Variants in PPFIA2 observed in about 807,000 individuals in gnomAD.
The protein encoded by PPFIA2 is liprin-alpha-2.
A neutral mutation model predicts 175.5 loss-of-function variants in PPFIA2; 46 were observed. The ratio of observed to expected loss-of-function variants is 0.26; its 90% CI spans 0.21 to 0.34. The LOEUF is 0.34. PPFIA2 is among the 10% of genes least tolerant of loss of function. The pLI, the probability that PPFIA2 is intolerant of heterozygous loss-of-function variation, is 1.00. For missense variants in PPFIA2, 1,179 were observed against 1,506.1 expected (o/e 0.78, Z 3.60); for synonymous variants, 568 against 511.4 (o/e 1.11, Z -1.49).
intron 3 of PPFIA2, among the ~76,000 whole-genome samples, chr12:81,714,697 G>T (rs1438822080): frequency 6.6e-6 from 1 of 150,914 alleles, no homozygotes; most frequent in East Asian, 2.0e-4. Context: ...GAAATAGAGG[G>T]TCTGAGTATC....
intron 4 of PPFIA2, among the ~76,000 whole-genome samples, chr12:81,576,647 C>T (rs2073607659): frequency 1.3e-5 from 2 of 151,746 alleles, no homozygotes; most frequent in Non-Finnish European, 1.5e-5. Flanking sequence ...GTAAATAAAT[C>T]TCTATCAAGG....
chr12:81,474,438 T>G (rs983514546), intron 4 of PPFIA2, among the ~76,000 whole-genome samples: 6 of 152,282 alleles, frequency 3.9e-5, no homozygotes, highest in African/African-American at 9.6e-5. Context: ...ATTACAGGCA[T>G]GCACCACCAC....
chr12:81,389,588 A>G (rs2039716630), intron 8 of PPFIA2, among the ~76,000 whole-genome samples: 1 of 152,040 alleles, frequency 6.6e-6, no homozygotes, highest in Admixed American at 6.6e-5. Flanking sequence ...CATTACCTTA[A>G]ATAGATTGTA....
intron 24 of PPFIA2, among the ~76,000 whole-genome samples, chr12:81,286,665 G>T (rs758129409): frequency 6.6e-6 from 1 of 151,924 alleles, no homozygotes; most frequent in Non-Finnish European, 1.5e-5. Flanking sequence ...ACATATATCT[G>T]CATTAAGTGA....
chr12:81,620,716 G>A (rs2061959030), intron 4 of PPFIA2, among the ~76,000 whole-genome samples: 2 of 152,172 alleles, frequency 1.3e-5, no homozygotes, highest in African/African-American at 2.4e-5. Flanking sequence ...GCTCAGCAGA[G>A]GACAGAATCT....
intron 7 of PPFIA2, among the ~76,000 whole-genome samples, chr12:81,411,823 G>A (rs575511247): frequency 4.6e-5 from 7 of 152,078 alleles, no homozygotes; most frequent in African/African-American, 1.4e-4. Flanking sequence ...ACAAACATAA[G>A]TAGAGCATAT....
chr12:81,521,296 A>C (rs1452521654), intron 4 of PPFIA2, among the ~76,000 whole-genome samples: 1 of 152,126 alleles, frequency 6.6e-6, no homozygotes, highest in Non-Finnish European at 1.5e-5. Flanking sequence ...GCCCCTCACA[A>C]ATGCAGTTTA....
Position 81,666,204 on chromosome 12 carries a change from G to A in PPFIA2, c.303+10587C>T, listed in dbSNP as rs567520359. On this transcript the variant is annotated intron_variant, in intron 4 of 32. Transcript: ENST00000549396. ...CAACCATTGTGGAATTCAGTGTGGC[G>A]ATTCCTCAAGGATCTAGAACTAGAA... Among the ~76,000 whole-genome samples, 8 of 152,244 alleles carry A rather than the reference G, an allele frequency of 5.3e-5. No homozygotes were observed. In the East Asian group the frequency reaches 9.7e-4, roughly 18 times the overall value.
chr12:81,333,819 T>C (rs1286413935), intron 21 of PPFIA2, among the ~76,000 whole-genome samples: 1 of 152,156 alleles, frequency 6.6e-6, no homozygotes, highest in Non-Finnish European at 1.5e-5. Context: ...AACATTCATA[T>C]CCAAGTGATT....
intron 22 of PPFIA2, among the ~76,000 whole-genome samples, chr12:81,318,295 C>A (rs2052869059): frequency 6.6e-6 from 1 of 151,696 alleles, no homozygotes; most frequent in South Asian, 2.1e-4. Flanking sequence ...CAGCTACAAT[C>A]TGGTAAATGC....
At chr12:81,323,642 C>G (rs915291574) in intron 22 of PPFIA2, among the ~76,000 whole-genome samples, 3 of 151,812 alleles carry the variant, frequency 2.0e-5, no homozygotes, top group Non-Finnish European at 4.4e-5. Context: ...AGGCTGTCAA[C>G]ATTTAATAAT....
intron 4 of PPFIA2, among the ~76,000 whole-genome samples, chr12:81,507,592 T>C (rs2061318527): frequency 6.6e-6 from 1 of 152,190 alleles, no homozygotes; most frequent in Non-Finnish European, 1.5e-5. Context: ...GAAAAGTTTG[T>C]TGGATTTATT....
At chr12:81,353,425 C>T (rs2060353288) in intron 16 of PPFIA2, 86 bp from the exon 17 acceptor site, 1 of 925,344 alleles carries the variant, frequency 1.1e-6, no homozygotes, top group Non-Finnish European at 1.7e-6. Flanking sequence ...CAACAACAGG[C>T]ATGCTTTTAC....
At chr12:81,340,946 T>C in intron 20 of PPFIA2, 132 bp downstream of exon 20, 1 of 1,001,452 alleles carries the variant, frequency 1.0e-6, no homozygotes, top group Non-Finnish European at 1.4e-6. Flanking sequence ...CAAGTGATAC[T>C]GGGAAAGGGA....
At chr12:81,383,979 C>T (rs752947514) in intron 9 of PPFIA2, 44 bp downstream of exon 9, 12 of 1,443,026 alleles carry the variant, frequency 8.3e-6, no homozygotes, top group African/African-American at 5.6e-5. Flanking sequence ...ATCTCAGAAG[C>T]AGCATTCAGA....
chr12:81,292,680 T>C (rs181808254), intron 24 of PPFIA2: 3 of 152,230 alleles, frequency 2.0e-5, no homozygotes, highest in African/African-American at 2.4e-5. Flanking sequence ...CAGTCAACAG[T>C]AGGCTCTTAG....
intron 4 of PPFIA2, among the ~76,000 whole-genome samples, chr12:81,494,159 C>A (rs2059757472): frequency 6.6e-6 from 1 of 151,804 alleles, no homozygotes; most frequent in Non-Finnish European, 1.5e-5. Context: ...AACAGGCAAC[C>A]TACAAAATGG....
chr12:81,348,972 ATCACT>A (rs2059556110), intron 17 of PPFIA2, among the ~76,000 whole-genome samples: 2 of 152,180 alleles, frequency 1.3e-5, no homozygotes, highest in African/African-American at 4.8e-5. Context: ...CAAGTTTATG[ATCACT>A]TCAAAGTTTT....
At position 81,259,169 on chromosome 12, in the gene PPFIA2, C is replaced by A; in HGVS notation, c.*525G>T. On this transcript the variant is annotated 3_prime_UTR_variant, in exon 33 of 33. Transcript: ENST00000549396. ...AAGCATGAAACATGCTTCAAGGAAA[C>A]ATATTGATTTGACTATTAACAATCC... 1 of 193,160 alleles carries A rather than the reference C, an allele frequency of 5.2e-6. No individual in the cohort carries two copies. Among genetic ancestry groups the A allele is most frequent in the Non-Finnish European group, 1.1e-5 (1 of 93,982 alleles). 12.0% of individuals were successfully genotyped at this position (193,160 alleles called of 1,614,324 possible).
Sources: gnomAD v4.1 joint callset for allele counts (sites outside exome capture counted in the v4.1 genomes callset) on GRCh38, gnomAD v4.1.1 for gene constraint, MANE v1.5 for transcripts, NCBI Gene and HGNC (gene_info 2026-07-23, HGNC 2026-07-21) for gene names.